Variants in CADM2 observed in about 807,000 individuals in gnomAD.
The protein encoded by CADM2 is cell adhesion molecule 2, also known as immunoglobulin superfamily member 4D.
A neutral mutation model predicts 49.8 loss-of-function variants in CADM2; 12 were observed. The ratio of observed to expected loss-of-function variants is 0.24; its 90% CI spans 0.15 to 0.39. The LOEUF (loss-of-function observed/expected upper bound fraction) is 0.39, where lower values mean the gene tolerates loss of function less well. CADM2 is among the 10% of genes least tolerant of loss of function. The pLI, the probability that CADM2 is intolerant of heterozygous loss-of-function variation, is 1.00. For synonymous variants in CADM2, 214 were observed against 175.4 expected, an observed-to-expected ratio of 1.22 and a Z score of -1.74; for missense variants, 378 against 492.3, an observed-to-expected ratio of 0.77 and a Z score of 2.20.
rs1186957450 is a variant in CADM2 at position 85,504,962 on chromosome 3, T to TGCTTCGCGTGCGGGGCCCGCC, written c.62-221559_62-221539dup. Among the ~76,000 whole-genome samples the TGCTTCGCGTGCGGGGCCCGCC allele has an allele frequency of 1.9e-4, 29 of 152,226 alleles. No individual in the cohort carries two copies. The East Asian group carries it at 5.2e-3, about 27-fold the overall frequency. On this transcript the variant is annotated intron_variant, in intron 1 of 9. Transcript: ENST00000383699. ...CCCGGGGCCGGCAGGGCCGGCCGGC[T>TGCTTCGCGTGCGGGGCCCGCC]GCTTCGCGTGCGGGGCCCGCCAAGC...
At chr3:85,051,743 G>C (rs2035889401) in intron 1 of CADM2, among the ~76,000 whole-genome samples, 1 of 151,994 alleles carries the variant, frequency 6.6e-6, no homozygotes, top group Non-Finnish European at 1.5e-5. Context: ...CAATTATTTT[G>C]TCAAATCATT....
intron 1 of CADM2, among the ~76,000 whole-genome samples, chr3:85,668,988 TTTTTA>T (rs1323273473): frequency 1.3e-5 from 2 of 152,156 alleles, no homozygotes; most frequent in Non-Finnish European, 2.9e-5. Context: ...TCCATTTTCC[TTTTTA>T]TTTTAAGAGC....
chr3:85,266,542 T>C (rs1377411779), intron 1 of CADM2, among the ~76,000 whole-genome samples: 2 of 95,258 alleles, frequency 2.1e-5, no homozygotes, highest in African/African-American at 3.6e-5. Flanking sequence ...TATTCTCAAT[T>C]TTTAAATGAT....
intron 1 of CADM2, among the ~76,000 whole-genome samples, chr3:85,705,725 A>G (rs2066927437): frequency 6.6e-6 from 1 of 152,192 alleles, no homozygotes; most frequent in African/African-American, 2.4e-5. Context: ...TTTTGAGTTT[A>G]ACAGGCTTAG....
intron 8 of CADM2, among the ~76,000 whole-genome samples, chr3:85,990,817 C>G (rs1241721368): frequency 6.6e-6 from 1 of 152,150 alleles, no homozygotes; most frequent in African/African-American, 2.4e-5. Flanking sequence ...CCTTTAAAGC[C>G]ATGCGAGGCT....
intron 8 of CADM2, among the ~76,000 whole-genome samples, chr3:86,018,597 G>A (rs957475018): frequency 6.6e-6 from 1 of 152,174 alleles, no homozygotes; most frequent in Non-Finnish European, 1.5e-5. Context: ...GCATTGCATT[G>A]CGGTTTTGAT....
chr3:85,803,732 C>T (rs1371115107), intron 3 of CADM2, among the ~76,000 whole-genome samples: 3 of 152,010 alleles, frequency 2.0e-5, no homozygotes, highest in Admixed American at 6.6e-5. Context: ...AGGCCTTCCA[C>T]TGATTGAGTG....
intron 3 of CADM2, among the ~76,000 whole-genome samples, chr3:85,810,912 A>G (rs1428167352): frequency 6.6e-6 from 1 of 152,150 alleles, no homozygotes; most frequent in Non-Finnish European, 1.5e-5. Context: ...CTTTAAACAT[A>G]AAGAAAATCT....
At chr3:85,700,639 A>G (rs913163186) in intron 1 of CADM2, among the ~76,000 whole-genome samples, 5 of 152,158 alleles carry the variant, frequency 3.3e-5, no homozygotes, top group Non-Finnish European at 7.3e-5. Flanking sequence ...CTCAAGTTTA[A>G]AGTTCCATAG....
chr3:85,844,816 T>C (rs1259127063), intron 3 of CADM2, among the ~76,000 whole-genome samples: 1 of 152,076 alleles, frequency 6.6e-6, no homozygotes, highest in Non-Finnish European at 1.5e-5. Context: ...AACTGGATTC[T>C]CTGGAGTTGA....
rs138471756 is a variant in CADM2 at position 85,251,752 on chromosome 3, G to T, written c.61+292084G>T. ...TGGCATATTTTTCTACTCAGGCAGAGAAACCACATTTTACATAATAGCACT... is the reference window on the plus strand; with the variant it reads ...TGGCATATTTTTCTACTCAGGCAGATAAACCACATTTTACATAATAGCACT... On this transcript the variant is annotated intron_variant, in intron 1 of 9. Coordinates refer to ENST00000383699, the MANE Select transcript of CADM2 (RefSeq NM_001167675.2). 5.9e-5 allele frequency among the ~76,000 whole-genome samples: 9 copies of T among 152,082 alleles called. No homozygotes were observed. In the East Asian group the frequency reaches 1.7e-3, roughly 29 times the overall value.
chr3:85,973,986 A>G (rs1559776353), intron 8 of CADM2, among the ~76,000 whole-genome samples: 1 of 151,752 alleles, frequency 6.6e-6, no homozygotes, highest in South Asian at 2.1e-4. Context: ...AAGGATGGCT[A>G]TTCTGAAATG....
intron 1 of CADM2, among the ~76,000 whole-genome samples, chr3:85,383,870 C>A (rs2034053780): frequency 6.6e-6 from 1 of 151,962 alleles, no homozygotes; most frequent in African/African-American, 2.4e-5. Context: ...ATGAATATAA[C>A]TTACCACTAT....
At chr3:85,708,097 T>C (rs993671922) in intron 1 of CADM2, among the ~76,000 whole-genome samples, 11 of 152,186 alleles carry the variant, frequency 7.2e-5, no homozygotes, top group Admixed American at 2.0e-4. Context: ...TGGTGATATC[T>C]GATGTCTAGA....
chr3:85,767,665 A>G (rs2069725821), intron 2 of CADM2, among the ~76,000 whole-genome samples: 1 of 152,128 alleles, frequency 6.6e-6, no homozygotes, highest in Admixed American at 6.6e-5. Context: ...CCACATCCCA[A>G]AATGCTAAAT....
chr3:85,732,626 A>C (rs2067980172), intron 2 of CADM2, among the ~76,000 whole-genome samples: 1 of 152,156 alleles, frequency 6.6e-6, no homozygotes, highest in Non-Finnish European at 1.5e-5. Flanking sequence ...CTTTTTTCTA[A>C]CTTTTAAAAA....
intron 2 of CADM2, among the ~76,000 whole-genome samples, chr3:85,767,033 A>T (rs988993479): frequency 6.6e-6 from 1 of 152,190 alleles, no homozygotes; most frequent in Non-Finnish European, 1.5e-5. Context: ...ATTATCTACT[A>T]TTGTACCATA....
intron 1 of CADM2, among the ~76,000 whole-genome samples, chr3:85,128,888 A>G (rs1368159675): frequency 6.6e-6 from 1 of 152,154 alleles, no homozygotes; most frequent in African/African-American, 2.4e-5. Flanking sequence ...TTTATCTTCT[A>G]TGCAATTCCT....
At chr3:85,245,418 A>G (rs1576201070) in intron 1 of CADM2, among the ~76,000 whole-genome samples, 1 of 152,050 alleles carries the variant, frequency 6.6e-6, no homozygotes, top group Non-Finnish European at 1.5e-5. Context: ...AGGCTGAGGC[A>G]GGAGAATGGC....
Sources: allele counts gnomAD v4.1 joint callset (sites outside exome capture counted in the v4.1 genomes callset), GRCh38; gene constraint gnomAD v4.1.1; transcripts MANE v1.5; gene names NCBI Gene and HGNC (gene_info 2026-07-23, HGNC 2026-07-21).